The following LPAR1 variants were observed in gnomAD, a reference collection of about 807,000 sequenced individuals.
LPAR1 encodes the protein LPA receptor 1.
A neutral mutation model predicts 23.8 loss-of-function variants in LPAR1; 5 were observed. That is an observed-to-expected ratio of 0.21 (90% CI 0.11 to 0.44). The LOEUF is 0.44. Ranked by LOEUF, LPAR1 falls within the 20% of genes least tolerant of loss-of-function variation. The pLI, the probability that LPAR1 is intolerant of heterozygous loss-of-function variation, is 0.99. For missense variants in LPAR1, 311 were observed against 482.8 expected (o/e 0.64, Z 3.33); for synonymous variants, 160 against 164.7 (o/e 0.97, Z 0.22).
chr9:110,957,927 C>A (rs1396439648), intron 4 of LPAR1, among the ~76,000 whole-genome samples: 1 of 152,024 alleles, frequency 6.6e-6, no homozygotes, highest in Non-Finnish European at 1.5e-5. Flanking sequence ...AGTGTTTTTA[C>A]ACACCAATAA....
chr9:111,037,736 G>A (rs1218352672), intron 1 of LPAR1: 4 of 152,188 alleles, frequency 2.6e-5, no homozygotes, highest in Non-Finnish European at 5.9e-5. Flanking sequence ...ACGAGGTTTT[G>A]GGAGAATTTC....
intron 5 of LPAR1, among the ~76,000 whole-genome samples, chr9:110,890,832 T>A (rs893054628): frequency 9.9e-5 from 15 of 152,202 alleles, no homozygotes; most frequent in Non-Finnish European, 1.8e-4. Flanking sequence ...TTAGCACCAA[T>A]GACTTGCCTG....
intron 5 of LPAR1, among the ~76,000 whole-genome samples, chr9:110,937,011 G>T (rs1480771293): frequency 6.6e-6 from 1 of 152,096 alleles, no homozygotes; most frequent in Non-Finnish European, 1.5e-5. Flanking sequence ...GCCTAGGGAG[G>T]GATTACATGA....
intron 5 of LPAR1, among the ~76,000 whole-genome samples, chr9:110,932,502 C>G (rs1333941962): frequency 6.6e-6 from 1 of 152,224 alleles, no homozygotes; most frequent in Non-Finnish European, 1.5e-5. Flanking sequence ...CCAGACATGG[C>G]CCTTCACTGC....
chr9:110,987,158 C>T (rs2096799531), intron 2 of LPAR1, among the ~76,000 whole-genome samples: 2 of 151,958 alleles, frequency 1.3e-5, no homozygotes, highest in Admixed American at 1.3e-4. Context: ...GAATTTGCTA[C>T]AAGGATGCTT....
chr9:110,900,961 A>C (rs2088675147), intron 5 of LPAR1, among the ~76,000 whole-genome samples: 2 of 152,196 alleles, frequency 1.3e-5, no homozygotes, highest in Admixed American at 6.5e-5. Flanking sequence ...AATTGAATCT[A>C]ATTATCGTGC....
At chr9:110,925,265 T>A (rs1264820660) in intron 5 of LPAR1, among the ~76,000 whole-genome samples, 1 of 149,870 alleles carries the variant, frequency 6.7e-6, no homozygotes, top group Non-Finnish European at 1.5e-5. Flanking sequence ...TATATATATA[T>A]AAAATAGTCC....
chr9:110,988,221 A>C (rs1440234986), intron 2 of LPAR1, among the ~76,000 whole-genome samples: 2 of 152,088 alleles, frequency 1.3e-5, no homozygotes, highest in African/African-American at 4.8e-5. Flanking sequence ...TTGGACCATA[A>C]GAAATGTTAA....
chr9:111,003,580 T>G (rs1441108524), intron 2 of LPAR1, among the ~76,000 whole-genome samples: 1 of 152,198 alleles, frequency 6.6e-6, no homozygotes, highest in African/African-American at 2.4e-5. Flanking sequence ...AAAATCTCCT[T>G]CTCTTTGGGG....
chr9:110,917,817 T>C (rs1471608250), intron 5 of LPAR1, among the ~76,000 whole-genome samples: 1 of 152,206 alleles, frequency 6.6e-6, no homozygotes, highest in African/African-American at 2.4e-5. Flanking sequence ...GTCATTTTCT[T>C]AGATTTCTTT....
intron 5 of LPAR1, among the ~76,000 whole-genome samples, chr9:110,881,279 G>A (rs1016905689): frequency 2.6e-5 from 4 of 152,046 alleles, no homozygotes; most frequent in Admixed American, 2.6e-4. Flanking sequence ...ATTGTATGAT[G>A]TGCTCTAGTA....
rs141838965 is a variant in LPAR1 at position 110,942,238 on chromosome 9, C to T, written c.46-70G>A. On this transcript the variant is annotated intron_variant, in intron 4 of 5. Coordinates refer to ENST00000683809, the MANE Select transcript of LPAR1 (RefSeq NM_001351411.2). ...CCAAATTTAAAGCTTATATAGATAA[C>T]ACAAGACTTTTATAGTACATGCAAC... 5.6e-5 allele frequency: 77 copies of T among 1,365,400 alleles called. No homozygotes were observed. In the African/African-American group the frequency reaches 1.0e-3, roughly 19 times the overall value. 84.6% of individuals were successfully genotyped at this position (1,365,400 alleles called of 1,614,324 possible).
At chr9:110,993,232 G>T (rs1274138794) in intron 2 of LPAR1, among the ~76,000 whole-genome samples, 1 of 152,042 alleles carries the variant, frequency 6.6e-6, no homozygotes, top group East Asian at 1.9e-4. Context: ...CCATCAACTT[G>T]TCATTTACAT....
intron 5 of LPAR1, among the ~76,000 whole-genome samples, chr9:110,940,147 T>G (rs2094992958): frequency 6.6e-6 from 1 of 152,210 alleles, no homozygotes; most frequent in South Asian, 2.1e-4. Context: ...AGGCAGGGTT[T>G]TAGGTGTGTC....
At chr9:110,939,575 A>T (rs567171288) in intron 5 of LPAR1, among the ~76,000 whole-genome samples, 2 of 152,310 alleles carry the variant, frequency 1.3e-5, no homozygotes, top group South Asian at 4.1e-4. Context: ...GGCATGGGAA[A>T]GTGGCATTTA....
At chr9:110,950,354 A>G (rs1160740357) in intron 4 of LPAR1, among the ~76,000 whole-genome samples, 2 of 150,956 alleles carry the variant, frequency 1.3e-5, no homozygotes, top group Non-Finnish European at 3.0e-5. Flanking sequence ...AATCCCAGCT[A>G]TTTGGGAGGC....
chr9:110,961,929 G>A (rs1323290980), intron 4 of LPAR1, among the ~76,000 whole-genome samples: 1 of 152,160 alleles, frequency 6.6e-6, no homozygotes, highest in Admixed American at 6.5e-5. Flanking sequence ...AGATTTGGGT[G>A]GGAACACAGT....
intron 5 of LPAR1, among the ~76,000 whole-genome samples, chr9:110,934,850 TGAGA>T (rs1037471595): frequency 7.1e-6 from 1 of 141,356 alleles, no homozygotes; most frequent in Non-Finnish European, 1.6e-5. Flanking sequence ...ACACAGAGAG[TGAGA>T]GAGAGAGGAG....
In LPAR1 at chr9:110,899,369, G is replaced by A. The variant is rs573217606; in HGVS notation, c.794-23647C>T. Among the ~76,000 whole-genome samples, 118 of 152,170 alleles carry A rather than the reference G, an allele frequency of 7.8e-4. 1 individual carries two copies. The highest frequency in any genetic ancestry group is 2.6e-3 in the African/African-American group (108 of 41,516). On this transcript the variant is annotated intron_variant, in intron 5 of 5. Coordinates refer to ENST00000683809, the MANE Select transcript of LPAR1 (RefSeq NM_001351411.2). ...ATCAAGAATTTTCAGAAGTTCATTC[G>A]ATCCATAAATAATATCAAGCAGCTA... is the stretch of plus-strand genomic sequence containing the variant.
Sources: allele counts gnomAD v4.1 joint callset (sites outside exome capture counted in the v4.1 genomes callset), GRCh38; gene constraint gnomAD v4.1.1; transcripts MANE v1.5; gene names NCBI Gene and HGNC (gene_info 2026-07-23, HGNC 2026-07-21).